The following PCNT variants were observed in gnomAD, a reference collection of about 807,000 sequenced individuals.
The protein encoded by PCNT is kendrin.
In PCNT, 319 loss-of-function variants were observed where a neutral mutation model predicts 380.4. That is an observed-to-expected ratio of 0.84 (90% CI 0.77 to 0.92). The LOEUF is 0.92. Among genes scored for constraint, PCNT ranks in the 40% least tolerant of loss-of-function variants. PCNT has a pLI of 0.00. For synonymous variants in PCNT, 1,845 were observed against 1,735.2 expected (o/e 1.06, Z -1.57); for missense variants, 4,400 against 4,255.3 (o/e 1.03, Z -0.95).
intron 31 of PCNT, among the ~76,000 whole-genome samples, chr21:46,418,691 G>C (rs746031091): frequency 1.3e-5 from 2 of 152,270 alleles, no homozygotes; most frequent in Non-Finnish European, 2.9e-5. Context: ...GGCGGTGCAC[G>C]CCATGTTTCC....
At position 46,416,367 on chromosome 21, in the gene PCNT, G is replaced by A; in HGVS notation, c.6449G>A (p.Cys2150Tyr). The change falls in exon 30 of 47, where the codon TGT (cysteine) becomes TAT (tyrosine). Residue 2150 changes from cysteine (C) to tyrosine (Y), a missense_variant. By Grantham distance (194) the Cys-to-Tyr change is radical (BLOSUM62 -2). Transcript: ENST00000359568. ...DVIKNQAIDA[C>Y]DANTTPGGVT... ...ATCAAAAATCAGGCCATAGACGCGT[G>A]TGATGCCAATACAACCCCAGGGGGT... The A allele has an allele frequency of 6.2e-7, 1 of 1,614,126 alleles. No homozygotes were observed. Among genetic ancestry groups the A allele is most frequent in the Admixed American group, 1.7e-5 (1 of 60,032 alleles).
intron 41 of PCNT, 24 bp from the exon 42 acceptor site, chr21:46,440,059 A>G (rs763833015): frequency 1.2e-6 from 2 of 1,613,850 alleles, no homozygotes; most frequent in Admixed American, 1.7e-5. Context: ...CTCTGTAGAC[A>G]GCGCTGGCTG....
intron 15 of PCNT, among the ~76,000 whole-genome samples, chr21:46,376,070 CTG>C (rs2085325072): frequency 6.6e-6 from 1 of 152,066 alleles, no homozygotes; most frequent in Non-Finnish European, 1.5e-5. Flanking sequence ...CTGGGGTTCT[CTG>C]TGGAGCCTGC....
intron 24 of PCNT, 148 bp from the exon 25 acceptor site, chr21:46,399,442 C>G: frequency 1.5e-6 from 1 of 673,280 alleles, no homozygotes; most frequent in Non-Finnish European, 2.7e-6. Context: ...TCTCCCTGTG[C>G]AGCCTGTGAG....
Position 46,353,117 on chromosome 21 carries a change from A to C in PCNT, c.1470A>C (p.Gln490His). The C allele has an allele frequency of 2.5e-6, 4 of 1,613,558 alleles. No individual in the cohort carries two copies. The highest frequency in any genetic ancestry group is 3.4e-6 in the Non-Finnish European group (4 of 1,179,866). The change falls in exon 10 of 47, where the codon CAA becomes CAC. Residue 490 changes from glutamine (Q) to histidine (H), a missense_variant. Coordinates refer to ENST00000359568, the MANE Select transcript of PCNT (RefSeq NM_006031.6). Reference sequence around the variant, plus strand: ...GTTATGTTGCAGAGCTACATGAGCAACTCCTGGCGCGCACCTCTCGTGTGG... The same window carrying C: ...GTTATGTTGCAGAGCTACATGAGCACCTCCTGGCGCGCACCTCTCGTGTGG... The part of the protein sequence containing the change: ...SRQELSELHE[Q>H]LLARTSRVED...
At chr21:46,352,008 G>A (rs571085570) in intron 9 of PCNT, among the ~76,000 whole-genome samples, 2 of 152,190 alleles carry the variant, frequency 1.3e-5, no homozygotes, top group African/African-American at 2.4e-5. Context: ...TTATAGCTGA[G>A]CACCTCTGGA....
rs1349986106 is a variant in PCNT, at chr21:46,431,531, G to A, written c.8067G>A (p.Glu2689=). ...CATCGTATGTGTTTGCTGTCTAGGA[G>A]CTGCGGGCGTCTTTGGAGACACAGC... ...RESQSAKALE[E]LRASLETQRA... is the part of the protein sequence containing the mutation. Residue 2689 remains glutamate, a splice_region_variant and synonymous_variant, in exon 38 of 47, where the codon GAG becomes GAA. Coordinates refer to ENST00000359568, the MANE Select transcript of PCNT (RefSeq NM_006031.6). 1 of 1,613,910 alleles carries A rather than the reference G, an allele frequency of 6.2e-7. No homozygotes were observed. The highest frequency in any genetic ancestry group is 1.3e-5 in the African/African-American group (1 of 74,934).
chr21:46,349,592 G>A, intron 7 of PCNT, 92 bp from the exon 8 acceptor site: 1 of 1,374,122 alleles, frequency 7.3e-7, no homozygotes, highest in Non-Finnish European at 1.0e-6. Context: ...GCTCTGGGTG[G>A]CAGCGCTCTG....
At position 46,441,093 on chromosome 21, in the gene PCNT, C is replaced by A; in HGVS notation, c.9623+9C>A. On this transcript the variant is annotated intron_variant, in intron 43 of 46. Transcript: ENST00000359568. ...GTCATTGCAATATTAAGGTAAATGC[C>A]ATGACGTTCAGTCAGTGCGTTCCGC... is the stretch of plus-strand genomic sequence containing the variant. 6.5e-7 allele frequency: 1 copy of A among 1,545,442 alleles called. No homozygotes were observed. Among genetic ancestry groups the A allele is most frequent in the Non-Finnish European group, 8.9e-7 (1 of 1,117,392 alleles).
At chr21:46,428,654 T>A in intron 35 of PCNT, 64 bp downstream of exon 35, 1 of 1,391,134 alleles carries the variant, frequency 7.2e-7, no homozygotes. Flanking sequence ...GACACTCACC[T>A]GTGTGGCCTT....
chr21:46,342,823 G>A (rs181375881), intron 3 of PCNT, among the ~76,000 whole-genome samples: 40 of 152,256 alleles, frequency 2.6e-4, no homozygotes, highest in Admixed American at 2.0e-3. Context: ...GCCACCGTGC[G>A]CAGCCAGCGA....
Position 46,428,474 on chromosome 21 carries a change from G to A in PCNT, c.7574G>A (p.Arg2525His), listed in dbSNP as rs940897400. 33 of 1,612,190 alleles carry A rather than the reference G, an allele frequency of 2.0e-5. No individual in the cohort carries two copies. The highest frequency in any genetic ancestry group is 4.0e-5 in the African/African-American group (3 of 74,950). ...CTGCTGTCCGAGATCCAGGCGCTGC[G>A]TGCCCAGCTGCGCATGACGCACCTG... ...SSLLSEIQAL[R>H]AQLRMTHLQN... The change falls in exon 35 of 47, where the codon CGT (arginine) becomes CAT (histidine). Residue 2525 changes from arginine to histidine, a missense_variant. Physicochemically the swap from Arg to His is conservative, Grantham distance 29 (BLOSUM62 0). Transcript: ENST00000359568.
chr21:46,332,697 G>GGGT (rs1407603729), intron 2 of PCNT, among the ~76,000 whole-genome samples: 1 of 152,202 alleles, frequency 6.6e-6, no homozygotes, highest in African/African-American at 2.4e-5. Context: ...CATTGGCCAT[G>GGGT]GGTGCTCTCT....
intron 3 of PCNT, among the ~76,000 whole-genome samples, chr21:46,335,978 G>A (rs753017948): frequency 3.8e-4 from 57 of 151,080 alleles, no homozygotes; most frequent in Non-Finnish European, 2.4e-4. Context: ...GCACTTGGCC[G>A]GCAAATTGTT....
intron 1 of PCNT, chr21:46,324,870 C>T (rs2083315885): frequency 6.1e-6 from 6 of 985,316 alleles, no homozygotes; most frequent in Non-Finnish European, 7.2e-6. Context: ...GAGATGCTTT[C>T]CCCGCGCGTT....
At chr21:46,370,704 G>T (rs547741660) in intron 15 of PCNT, among the ~76,000 whole-genome samples, 10 of 152,230 alleles carry the variant, frequency 6.6e-5, no homozygotes, top group African/African-American at 2.2e-4. Flanking sequence ...TCAGGAGTTC[G>T]AGACCAGCCT....
At chr21:46,394,917 G>A (rs1295644201) in intron 21 of PCNT, among the ~76,000 whole-genome samples, 2 of 152,204 alleles carry the variant, frequency 1.3e-5, no homozygotes, top group Admixed American at 6.5e-5. Flanking sequence ...CTGGGATTGC[G>A]ATCCTCGTGT....
intron 11 of PCNT, among the ~76,000 whole-genome samples, chr21:46,354,270 G>A (rs543273489): frequency 1.3e-5 from 2 of 152,316 alleles, no homozygotes; most frequent in South Asian, 4.1e-4. Context: ...GGGGGTGGCC[G>A]GGGGAGCCGG....
At chr21:46,422,501 T>C (rs777488491) in intron 32 of PCNT, among the ~76,000 whole-genome samples, 22 of 152,282 alleles carry the variant, frequency 1.4e-4, no homozygotes, top group Non-Finnish European at 3.1e-4. Context: ...CTGAGCCGAG[T>C]TCTCTTCAGA....
Sources: allele counts gnomAD v4.1 joint callset (sites outside exome capture counted in the v4.1 genomes callset), GRCh38; gene constraint gnomAD v4.1.1; transcripts MANE v1.5; gene names NCBI Gene and HGNC (gene_info 2026-07-23, HGNC 2026-07-21).